Variants in CDH13 observed in about 807,000 individuals in gnomAD.
CDH13 encodes cadherin 13.
CDH13 carries 24 observed loss-of-function variants against 63.8 expected under a neutral mutation model. The observed-to-expected ratio is 0.38, with a 90% confidence interval of 0.27 to 0.53. CDH13 has a LOEUF of 0.53. Among genes scored for constraint, CDH13 ranks in the 20% least tolerant of loss-of-function variants. CDH13 has a pLI of 0.85. For missense variants in CDH13, 1,049 were observed against 903.1 expected (o/e 1.16, Z -2.07); for synonymous variants, 503 against 355.3 (o/e 1.42, Z -4.67).
At chr16:82,842,118 A>ATATATATATATATATATATATG (rs2039044072) in intron 1 of CDH13, among the ~76,000 whole-genome samples, 1 of 44,660 alleles carries the variant, frequency 2.2e-5, no homozygotes, top group East Asian at 3.4e-4. Context: ...ATATGTATAT[A>ATATATATATATATATATATATG]TATATATATA....
At chr16:83,696,397 G>T (rs1191550626) in intron 10 of CDH13, among the ~76,000 whole-genome samples, 2 of 151,984 alleles carry the variant, frequency 1.3e-5, no homozygotes, top group Admixed American at 1.3e-4. Context: ...TTGTGTCTGG[G>T]GCTTCTTTTG....
chr16:83,659,580 G>A (rs1479180962), intron 8 of CDH13, among the ~76,000 whole-genome samples: 1 of 152,188 alleles, frequency 6.6e-6, no homozygotes, highest in Non-Finnish European at 1.5e-5. Flanking sequence ...GTATGCCTGG[G>A]CCCCATCCAA....
At chr16:82,752,816 T>C (rs1346490201) in intron 1 of CDH13, among the ~76,000 whole-genome samples, 4 of 152,156 alleles carry the variant, frequency 2.6e-5, no homozygotes, top group Admixed American at 2.0e-4. Flanking sequence ...CCGTGGCTGA[T>C]TGCAAGCTAC....
chr16:83,742,838 G>C (rs1483394046), intron 10 of CDH13, among the ~76,000 whole-genome samples: 2 of 152,210 alleles, frequency 1.3e-5, no homozygotes, highest in African/African-American at 4.8e-5. Flanking sequence ...AGTAGGAGCA[G>C]CAAGCTGTCC....
intron 5 of CDH13, among the ~76,000 whole-genome samples, chr16:83,294,267 T>G (rs2089535642): frequency 6.6e-6 from 1 of 152,198 alleles, no homozygotes; most frequent in Non-Finnish European, 1.5e-5. Flanking sequence ...TCTTTTAGCA[T>G]TTTTAGGAAT....
At chr16:83,557,033 C>T (rs550083041) in intron 7 of CDH13, among the ~76,000 whole-genome samples, 1 of 152,300 alleles carries the variant, frequency 6.6e-6, no homozygotes, top group South Asian at 2.1e-4. Flanking sequence ...GGTGAGCGAA[C>T]GAAGCTTCAT....
chr16:83,579,965 G>T (rs964219149), intron 7 of CDH13, among the ~76,000 whole-genome samples: 15 of 152,234 alleles, frequency 9.9e-5, no homozygotes, highest in Admixed American at 9.8e-4. Context: ...GCTGTCCCAG[G>T]CAAAGGGAAT....
At chr16:83,428,321 C>T (rs2071980038) in intron 6 of CDH13, among the ~76,000 whole-genome samples, 1 of 151,644 alleles carries the variant, frequency 6.6e-6, no homozygotes, top group Non-Finnish European at 1.5e-5. Context: ...TTTTTAAAAA[C>T]ATTGGAAACA....
At chr16:83,217,115 G>C (rs575932433) in intron 4 of CDH13, among the ~76,000 whole-genome samples, 1 of 152,118 alleles carries the variant, frequency 6.6e-6, no homozygotes, top group Admixed American at 6.5e-5. Flanking sequence ...TATGTCACCC[G>C]AGTGCTGGTA....
chr16:83,632,832 G>C (rs1345591057), intron 8 of CDH13, among the ~76,000 whole-genome samples: 1 of 150,904 alleles, frequency 6.6e-6, no homozygotes, highest in Non-Finnish European at 1.5e-5. Context: ...CCATTTTTAT[G>C]GTTATCTCTT....
intron 3 of CDH13, among the ~76,000 whole-genome samples, chr16:83,087,834 C>G (rs1166583709): frequency 1.3e-5 from 2 of 152,042 alleles, no homozygotes; most frequent in Non-Finnish European, 2.9e-5. Context: ...GTGCTAATTA[C>G]AAATGGGTCT....
chr16:82,994,341 G>C (rs1911975855), intron 2 of CDH13, among the ~76,000 whole-genome samples: 1 of 152,130 alleles, frequency 6.6e-6, no homozygotes, highest in African/African-American at 2.4e-5. Context: ...GACTGCTCCA[G>C]ATTCCATGTT....
chr16:83,108,210 C>A (rs1230318372), intron 3 of CDH13, among the ~76,000 whole-genome samples: 2 of 152,144 alleles, frequency 1.3e-5, no homozygotes, highest in Non-Finnish European at 2.9e-5. Flanking sequence ...GATGCATCTC[C>A]ACTATACACC....
chr16:83,254,783 A>C (rs998148230), intron 5 of CDH13, among the ~76,000 whole-genome samples: 4 of 152,174 alleles, frequency 2.6e-5, no homozygotes, highest in Non-Finnish European at 5.9e-5. Flanking sequence ...AGCTTTGCCT[A>C]TTGGCTGACT....
chr16:82,720,801 C>T (rs893586932), intron 1 of CDH13, among the ~76,000 whole-genome samples: 46 of 152,158 alleles, frequency 3.0e-4, no homozygotes, highest in African/African-American at 1.0e-3. Flanking sequence ...GAGTCAGTCA[C>T]AGTGAGTTGG....
intron 5 of CDH13, among the ~76,000 whole-genome samples, chr16:83,265,902 C>T (rs1389806859): frequency 6.6e-6 from 1 of 151,804 alleles, no homozygotes; most frequent in Admixed American, 6.6e-5. Flanking sequence ...GGGGTTGGGA[C>T]TCCACCATCA....
chr16:83,220,339 G>A lies in CDH13; in HGVS notation c.636+2842G>A, dbSNP rs568580606. 3.1e-3 allele frequency among the ~76,000 whole-genome samples: 467 copies of A among 152,258 alleles called. 4 individuals carry two copies. Among genetic ancestry groups the A allele is most frequent in the African/African-American group, 0.011 (444 of 41,552 alleles). On this transcript the variant is annotated intron_variant, in intron 5 of 13. Coordinates refer to ENST00000567109, the MANE Select transcript of CDH13 (RefSeq NM_001257.5). ...TGGGCACAGGAATGTTGCAATTTCC[G>A]TTCATTCCAAGTGCCTGTTTAAGAA...
intron 2 of CDH13, among the ~76,000 whole-genome samples, chr16:82,875,166 G>A (rs11643811): frequency 0.01 from 1,553 of 152,284 alleles, 6 homozygotes; most frequent in Non-Finnish European, 0.016. Context: ...AAGTTTTTGC[G>A]TATGACAAAA....
chr16:83,694,447 G>A (rs1241103236), intron 10 of CDH13, among the ~76,000 whole-genome samples: 1 of 152,210 alleles, frequency 6.6e-6, no homozygotes. Flanking sequence ...GGAGCAGTCA[G>A]GAATGAGAAA....
Sources: gnomAD v4.1 joint callset for allele counts (sites outside exome capture counted in the v4.1 genomes callset) on GRCh38, gnomAD v4.1.1 for gene constraint, MANE v1.5 for transcripts, NCBI Gene and HGNC (gene_info 2026-07-23, HGNC 2026-07-21) for gene names.